The following LINGO2 variants were observed in gnomAD, a reference collection of about 807,000 sequenced individuals.
The protein encoded by LINGO2 is leucine-rich repeat and immunoglobulin-like domain-containing nogo receptor-interacting protein 2.
LINGO2 carries 14 observed loss-of-function variants against 30.6 expected under a neutral mutation model. The observed-to-expected ratio is 0.46, with a 90% CI of 0.30 to 0.72. LINGO2 has a LOEUF of 0.72. LINGO2 is among the 30% of genes least tolerant of loss of function. The pLI is 0.07. For missense variants in LINGO2, 729 were observed against 751.7 expected, an observed-to-expected ratio of 0.97 and a Z score of 0.35; for synonymous variants, 317 against 288.5, an observed-to-expected ratio of 1.10 and a Z score of -1.00.
chr9:27,949,471 G>A (rs780213616), exon 6 of LINGO2: 1 of 1,613,988 alleles, frequency 6.2e-7, no homozygotes, highest in Non-Finnish European at 8.5e-7. Context: ...TAAAAAGAAA[G>A]GGCAGTGCTA....
chr9:28,557,663 C>T (rs373611699), intron 1 of LINGO2, among the ~76,000 whole-genome samples: 6 of 151,486 alleles, frequency 4.0e-5, no homozygotes, highest in African/African-American at 1.5e-4. Flanking sequence ...ACCCAAAGGA[C>T]TATAAATCAT....
chr9:28,151,849 A>G (rs1260866680), intron 4 of LINGO2, among the ~76,000 whole-genome samples: 2 of 152,150 alleles, frequency 1.3e-5, no homozygotes, highest in Non-Finnish European at 2.9e-5. Context: ...AAATTAATGA[A>G]GAATTGAATA....
chr9:29,107,115 A>T, the LINGO2 span, among the ~76,000 whole-genome samples: 9 of 152,176 alleles, frequency 5.9e-5, no homozygotes, highest in Non-Finnish European at 1.2e-4. Flanking sequence ...TAAGTATGTA[A>T]CATCACATAA....
intron 1 of LINGO2, among the ~76,000 whole-genome samples, chr9:28,610,064 C>T (rs993376562): frequency 6.6e-6 from 1 of 151,738 alleles, no homozygotes; most frequent in East Asian, 1.9e-4. Context: ...TAGTGGTTAC[C>T]CCATTGGAAG....
At chr9:28,274,576 C>G (rs901133353) in intron 4 of LINGO2, among the ~76,000 whole-genome samples, 1 of 152,004 alleles carries the variant, frequency 6.6e-6, no homozygotes, top group Non-Finnish European at 1.5e-5. Context: ...TTATTTCAAC[C>G]CTCCAAGACA....
chr9:28,588,317 A>G (rs939696), intron 1 of LINGO2, among the ~76,000 whole-genome samples: 143,671 of 152,010 alleles, frequency 0.95, 68,440 homozygotes, highest in East Asian at 1. Flanking sequence ...AAAATTTTTC[A>G]AGGCTTTGTC....
chr9:29,034,395 C>A, the LINGO2 span, among the ~76,000 whole-genome samples: 1 of 152,110 alleles, frequency 6.6e-6, no homozygotes, highest in African/African-American at 2.4e-5. Flanking sequence ...AATAACCTAG[C>A]TAGATCAAGC....
chr9:28,911,961 T>G, the LINGO2 span, among the ~76,000 whole-genome samples: 1 of 152,146 alleles, frequency 6.6e-6, no homozygotes, highest in Non-Finnish European at 1.5e-5. Flanking sequence ...CTGAACATTT[T>G]TCTATATTGA....
chr9:28,203,319 C>A (rs752706728), intron 4 of LINGO2, among the ~76,000 whole-genome samples: 20 of 152,134 alleles, frequency 1.3e-4, no homozygotes, highest in Admixed American at 9.2e-4. Context: ...TTGTTGCTAA[C>A]AGTCAAGGGA....
chr9:28,714,164 A>AATATATATATATAT, the LINGO2 span, among the ~76,000 whole-genome samples: 117 of 117,142 alleles, frequency 1.0e-3, no homozygotes, highest in Middle Eastern at 3.8e-3. Flanking sequence ...TGCCTCAAAT[A>AATATATATATATAT]ATATATATAT....
chr9:28,708,761 T>TTATCTATATATCTATCTATC, the LINGO2 span, among the ~76,000 whole-genome samples: 1 of 147,748 alleles, frequency 6.8e-6, no homozygotes, highest in Admixed American at 6.9e-5. Flanking sequence ...TTTAAACTAA[T>TTATCTATATATCTATCTATC]TATCTATCTA....
intron 4 of LINGO2, among the ~76,000 whole-genome samples, chr9:28,137,353 A>G (rs1264374675): frequency 6.6e-6 from 1 of 152,114 alleles, no homozygotes; most frequent in Non-Finnish European, 1.5e-5. Flanking sequence ...TCTTGTTAAG[A>G]CTTAATTCTG....
chr9:28,772,920 A>C, the LINGO2 span, among the ~76,000 whole-genome samples: 1 of 152,188 alleles, frequency 6.6e-6, no homozygotes, highest in South Asian at 2.1e-4. Context: ...ACATCACTGA[A>C]ATGGAGCTAG....
At chr9:28,035,887 C>A (rs1266375878) in intron 4 of LINGO2, among the ~76,000 whole-genome samples, 1 of 67,096 alleles carries the variant, frequency 1.5e-5, no homozygotes, top group Non-Finnish European at 3.7e-5. Flanking sequence ...AGAACACACA[C>A]ACACAAACAC....
chr9:29,168,141 T>G, the LINGO2 span, among the ~76,000 whole-genome samples: 1 of 152,156 alleles, frequency 6.6e-6, no homozygotes, highest in Non-Finnish European at 1.5e-5. Context: ...CTCATGTCTC[T>G]TATCAGTTTT....
chr9:28,374,228 A>ATATGTATG (rs1554713033), intron 2 of LINGO2, among the ~76,000 whole-genome samples: 1 of 146,982 alleles, frequency 6.8e-6, no homozygotes, highest in Non-Finnish European at 1.5e-5. Flanking sequence ...ATATATATAT[A>ATATGTATG]TATGTAATAT....
the LINGO2 span, among the ~76,000 whole-genome samples, chr9:29,092,446 G>A: frequency 7.9e-5 from 12 of 151,900 alleles, no homozygotes; most frequent in Non-Finnish European, 1.6e-4. Flanking sequence ...GTAAAATAGG[G>A]AAAACCAAGT....
intron 1 of LINGO2, among the ~76,000 whole-genome samples, chr9:28,513,222 C>A (rs1820486104): frequency 6.6e-6 from 1 of 151,926 alleles, no homozygotes; most frequent in African/African-American, 2.4e-5. Context: ...CCTTTTATAC[C>A]AATCAATCAA....
the LINGO2 span, among the ~76,000 whole-genome samples, chr9:29,019,481 A>T: frequency 1.3e-5 from 2 of 152,172 alleles, no homozygotes; most frequent in Admixed American, 1.3e-4. Flanking sequence ...AAAGGTGACC[A>T]AGGGTTGCAC....
Sources: gnomAD v4.1 joint callset for allele counts (sites outside exome capture counted in the v4.1 genomes callset) on GRCh38, gnomAD v4.1.1 for gene constraint, MANE v1.5 for transcripts, NCBI Gene and HGNC (gene_info 2026-07-23, HGNC 2026-07-21) for gene names.